Variants in PREX1 observed in about 807,000 individuals in gnomAD.
The protein encoded by PREX1 is phosphatidylinositol-3,4,5-trisphosphate dependent Rac exchange factor 1, also known as phosphatidylinositol 3,4,5-trisphosphate-dependent Rac exchanger 1 protein.
PREX1 carries 41 observed loss-of-function variants against 198.3 expected under a neutral mutation model. The ratio of observed to expected loss-of-function variants is 0.21; its 90% CI spans 0.16 to 0.27. PREX1 has a LOEUF of 0.27. Among genes scored for constraint, PREX1 ranks in the 10% least tolerant of loss-of-function variants. The pLI is 1.00. For missense variants in PREX1, 1,620 were observed against 2,200.7 expected (o/e 0.74, Z 5.28); for synonymous variants, 843 against 887.2 (o/e 0.95, Z 0.89).
Position 48,732,764 on chromosome 20 carries a change from A to T in PREX1, c.519+1782T>A, listed in dbSNP as rs192414408. Among the ~76,000 whole-genome samples, 12 of 152,262 alleles carry T rather than the reference A, an allele frequency of 7.9e-5. No individual in the cohort carries two copies. The East Asian group carries it at 2.3e-3, about 29-fold the overall frequency. On this transcript the variant is annotated intron_variant, in intron 4 of 39. Transcript: ENST00000371941. ...CCAGCCTTCCTTGGATCTAGGGGTG[A>T]CCATGTGGCTGAGTGCTGGCCGATG... is the stretch of plus-strand genomic sequence containing the variant.
intron 33 of PREX1, among the ~76,000 whole-genome samples, chr20:48,634,175 CATGG>C (rs779106334): frequency 6.7e-5 from 5 of 75,084 alleles, no homozygotes; most frequent in South Asian, 1.0e-3. Context: ...TGGATGGATG[CATGG>C]ATGGATGGAT....
chr20:48,626,167 G>C (rs1005979823), intron 39 of PREX1, among the ~76,000 whole-genome samples: 1 of 152,212 alleles, frequency 6.6e-6, no homozygotes, highest in Non-Finnish European at 1.5e-5. Flanking sequence ...GTGTCTACAG[G>C]TGCACGTGTG....
chr20:48,828,095 C>T (rs1321091980), upstream of PREX1, among the ~76,000 whole-genome samples: 2 of 148,288 alleles, frequency 1.3e-5, no homozygotes, highest in Non-Finnish European at 3.0e-5. Flanking sequence ...ACGGCTGGCC[C>T]CCCGCCCCCG....
chr20:48,696,977 TAC>T (rs11467059), intron 7 of PREX1, among the ~76,000 whole-genome samples: 128 of 148,574 alleles, frequency 8.6e-4, no homozygotes, highest in South Asian at 3.9e-3. Context: ...TAAATCTCTT[TAC>T]ACACACACAC....
At chr20:48,699,647 C>T (rs1480521904) in intron 7 of PREX1, among the ~76,000 whole-genome samples, 1 of 152,124 alleles carries the variant, frequency 6.6e-6, no homozygotes, top group Admixed American at 6.5e-5. Context: ...AACATGCCAA[C>T]CAATTGGCCA....
Position 48,721,646 on chromosome 20 carries a change from A to G in PREX1, c.621+4644T>C, listed in dbSNP as rs2122682587. The stretch of plus-strand genomic sequence containing the variant: ...AGCAAAGAACTTGGACCTTACTCGG[A>G]GTGAGCAGAGAGTCCTGGGAGGGTA... On this transcript the variant is annotated intron_variant, in intron 5 of 39. Coordinates refer to ENST00000371941, the MANE Select transcript of PREX1 (RefSeq NM_020820.4). Among the ~76,000 whole-genome samples the G allele has an allele frequency of 1.3e-5, 2 of 152,338 alleles. 1 individual carries two copies. Among genetic ancestry groups the G allele is most frequent in the South Asian group, 4.1e-4 (2 of 4,830 alleles).
In PREX1 at chr20:48,691,202, G is replaced by A; in HGVS notation, c.1037-106C>T. 7.1e-7 allele frequency: 1 copy of A among 1,406,060 alleles called. No individual in the cohort carries two copies. Among genetic ancestry groups the A allele is most frequent in the Non-Finnish European group, 9.9e-7 (1 of 1,007,636 alleles). The allele number at this position is 1,406,060 out of a possible 1,614,324, so 87.1% of individuals were successfully genotyped here. A position where few individuals can be genotyped will look rare whatever the true frequency, so the allele number is the denominator to read the frequency against. On this transcript the variant is annotated intron_variant, in intron 8 of 39. Transcript: ENST00000371941. This position sits in a 1 kb window ranked among gnomAD's most constrained non-coding sequence, Gnocchi z 5.0. ...CCCAGCACAGGCAGGGCCCTCGCCT[G>A]GATCAGGATGGGGAGCTGGACTTCC...
At chr20:48,862,384 G>A in the PREX1 span, among the ~76,000 whole-genome samples, 3 of 152,060 alleles carry the variant, frequency 2.0e-5, no homozygotes, top group Non-Finnish European at 4.4e-5. Context: ...CATTTACTGT[G>A]TGCCATGCCT....
At chr20:48,791,555 G>A (rs2090339018) in intron 1 of PREX1, among the ~76,000 whole-genome samples, 1 of 152,212 alleles carries the variant, frequency 6.6e-6, no homozygotes, top group Non-Finnish European at 1.5e-5. Context: ...AAGATGACCA[G>A]CTGCCATGGG....
At chr20:48,791,114 C>T (rs528121370) in intron 1 of PREX1, among the ~76,000 whole-genome samples, 87 of 152,220 alleles carry the variant, frequency 5.7e-4, no homozygotes, top group Admixed American at 1.0e-3. Flanking sequence ...GAAAACGGCA[C>T]CCCAGCTAGC....
At chr20:48,832,603 T>C (rs2090539552), upstream of PREX1, among the ~76,000 whole-genome samples, 1 of 152,126 alleles carries the variant, frequency 6.6e-6, no homozygotes, top group African/African-American at 2.4e-5. Flanking sequence ...GGGAGGCCTC[T>C]CCACCCTTGG....
chr20:48,857,406 G>C, the PREX1 span, among the ~76,000 whole-genome samples: 1 of 152,206 alleles, frequency 6.6e-6, no homozygotes, highest in African/African-American at 2.4e-5. Flanking sequence ...GCTTGGCCGG[G>C]CACAGTGGCT....
At chr20:48,698,225 A>C (rs1486059497) in intron 7 of PREX1, among the ~76,000 whole-genome samples, 2 of 152,172 alleles carry the variant, frequency 1.3e-5, no homozygotes, top group Non-Finnish European at 2.9e-5. Context: ...CAGGGAGCCC[A>C]CTTGGAATCC....
chr20:48,865,176 C>G, the PREX1 span, among the ~76,000 whole-genome samples: 1 of 152,136 alleles, frequency 6.6e-6, no homozygotes, highest in African/African-American at 2.4e-5. Flanking sequence ...TGGAAGGTGC[C>G]AGAGCAGTTT....
chr20:48,868,235 A>T, the PREX1 span, among the ~76,000 whole-genome samples: 1 of 152,194 alleles, frequency 6.6e-6, no homozygotes, highest in Admixed American at 6.5e-5. Context: ...AGGAAAACCC[A>T]AACCCCTTCT....
intron 18 of PREX1, among the ~76,000 whole-genome samples, chr20:48,656,767 C>T (rs1471682836): frequency 2.0e-5 from 3 of 152,214 alleles, no homozygotes; most frequent in Admixed American, 6.5e-5. Context: ...TTGTCTGTCT[C>T]CTGCCTCCTC....
chr20:48,762,263 T>C lies in PREX1; in HGVS notation c.220-14383A>G, dbSNP rs114180938. 7.7e-3 allele frequency among the ~76,000 whole-genome samples: 1,180 copies of C among 152,330 alleles called. 16 individuals carry two copies. The highest frequency in any genetic ancestry group is 0.024 in the African/African-American group (1,015 of 41,556). ...CTCCCTACTCCTTTGGGCTCCTCAG[T>C]TGTTGATTTTTTTCCTGAAAAATGG... On this transcript the variant is annotated intron_variant, in intron 1 of 39. Transcript: ENST00000371941.
chr20:48,766,915 TG>T (rs2090211098), intron 1 of PREX1, among the ~76,000 whole-genome samples: 1 of 152,194 alleles, frequency 6.6e-6, no homozygotes, highest in Admixed American at 6.5e-5. Flanking sequence ...GCCGGCTTCA[TG>T]GATTACCATG....
intron 1 of PREX1, among the ~76,000 whole-genome samples, chr20:48,783,312 G>A (rs976012997): frequency 6.6e-6 from 1 of 152,130 alleles, no homozygotes; most frequent in Non-Finnish European, 1.5e-5. Context: ...ACAGAGGATG[G>A]AGAGTGACTC....
Sources: allele counts gnomAD v4.1 joint callset (sites outside exome capture counted in the v4.1 genomes callset), GRCh38; gene constraint gnomAD v4.1.1; non-coding constraint Gnocchi (gnomAD v3.1); transcripts MANE v1.5; gene names NCBI Gene and HGNC (gene_info 2026-07-23, HGNC 2026-07-21).